The following COPG2 variants were observed in gnomAD, a reference collection of about 807,000 sequenced individuals.
COPG2 encodes coatomer subunit gamma-2.
A neutral mutation model predicts 46.3 loss-of-function variants in COPG2; 37 were observed. The observed-to-expected ratio is 0.80, with a 90% CI of 0.61 to 1.05. The LOEUF is 1.05. Among genes scored for constraint, COPG2 ranks in the 50% least tolerant of loss-of-function variants. The pLI is 0.00. For missense variants in COPG2, 427 were observed against 387.8 expected, an observed-to-expected ratio of 1.10 and a Z score of -0.85; for synonymous variants, 159 against 129.7, an observed-to-expected ratio of 1.23 and a Z score of -1.53.
intron 20 of COPG2, among the ~76,000 whole-genome samples, chr7:130,522,532 C>G: frequency 6.6e-6 from 1 of 151,964 alleles, no homozygotes; most frequent in South Asian, 2.1e-4. Flanking sequence ...ACTGAAGGGT[C>G]AAAGTTTCAA....
At chr7:130,624,986 T>C (rs1217896631) in intron 5 of COPG2, among the ~76,000 whole-genome samples, 1 of 152,240 alleles carries the variant, frequency 6.6e-6, no homozygotes, top group African/African-American at 2.4e-5. Context: ...AAAGAATCTC[T>C]ATACTGTTTT....
intron 5 of COPG2, among the ~76,000 whole-genome samples, chr7:130,644,898 C>G (rs781856810): frequency 5.5e-4 from 84 of 151,958 alleles, no homozygotes; most frequent in Non-Finnish European, 1.0e-3. Flanking sequence ...CCCTTCTCTA[C>G]TAAAAATACA....
intron 9 of COPG2, among the ~76,000 whole-genome samples, chr7:130,587,352 A>G (rs1794297259): frequency 6.6e-6 from 1 of 151,960 alleles, no homozygotes; most frequent in Admixed American, 6.6e-5. Flanking sequence ...TCAAGAAACT[A>G]ACAGAAGGCT....
At chr7:130,657,141 G>C (rs1284972066) in intron 4 of COPG2, among the ~76,000 whole-genome samples, 1 of 151,984 alleles carries the variant, frequency 6.6e-6, no homozygotes, top group Non-Finnish European at 1.5e-5. Context: ...AGACAGCATA[G>C]AGCTAAAGTA....
chr7:130,573,978 A>G (rs970772260), intron 9 of COPG2, among the ~76,000 whole-genome samples: 60 of 152,324 alleles, frequency 3.9e-4, no homozygotes, highest in African/African-American at 1.3e-3. Context: ...TGACCCAGTT[A>G]TTCTATTTAT....
chr7:130,507,749 T>C lies in COPG2; in HGVS notation c.2322A>G (p.Glu774=), dbSNP rs372816660. 104 of 780,634 alleles carry C rather than the reference T, an allele frequency of 1.3e-4. 1 individual carries two copies. The African/African-American group carries it at 1.6e-3, about 12-fold the overall frequency. The allele number at this position is 780,634 out of a possible 1,614,324, so 48.4% of individuals were successfully genotyped here. ...VLKPNFAAAW[E]EVGDTFEKEE... ...CTTTCTCAAAGGTATCTCCCACCTC[T>C]TCCCAAGCAGCAGCAAAGTTAGGCT... The change falls in exon 22 of 24, where the codon GAA becomes GAG. Residue 774 remains glutamate (E), a synonymous_variant. Coordinates refer to ENST00000425248, the MANE Select transcript of COPG2 (RefSeq NM_012133.6).
intron 20 of COPG2, among the ~76,000 whole-genome samples, chr7:130,541,687 G>A (rs1799939397): frequency 6.6e-6 from 1 of 151,514 alleles, no homozygotes; most frequent in Non-Finnish European, 1.5e-5. Context: ...GGGGAGTCAG[G>A]GTTGTGGGGC....
intron 5 of COPG2, among the ~76,000 whole-genome samples, chr7:130,636,499 G>C (rs1325352740): frequency 7.1e-6 from 1 of 140,710 alleles, no homozygotes. Flanking sequence ...ATCTTTGTTG[G>C]TTTAAAGTCT....
At chr7:130,664,728 T>G (rs1219541307) in intron 3 of COPG2, among the ~76,000 whole-genome samples, 1 of 152,226 alleles carries the variant, frequency 6.6e-6, no homozygotes, top group Admixed American at 6.5e-5. Context: ...TCAATCAACT[T>G]TGACTATTCA....
intron 20 of COPG2, among the ~76,000 whole-genome samples, chr7:130,523,119 C>CAAAATAAAA (rs1799738875): frequency 1.7e-5 from 1 of 57,522 alleles, no homozygotes; most frequent in Non-Finnish European, 2.9e-5. Context: ...ACTCTTCTCT[C>CAAAATAAAA]AAAAAAAAAA....
chr7:130,634,433 T>C (rs1032608806), intron 5 of COPG2, among the ~76,000 whole-genome samples: 13 of 152,206 alleles, frequency 8.5e-5, no homozygotes, highest in Non-Finnish European at 1.6e-4. Context: ...AAGAGGTCCT[T>C]CCCATCCCTT....
intron 9 of COPG2, among the ~76,000 whole-genome samples, chr7:130,599,166 G>A (rs1259438730): frequency 6.6e-6 from 1 of 152,136 alleles, no homozygotes; most frequent in Non-Finnish European, 1.5e-5. Context: ...TAAGAATAAG[G>A]GATGGAAGTC....
intron 5 of COPG2, among the ~76,000 whole-genome samples, chr7:130,634,451 G>T (rs548084765): frequency 6.6e-6 from 1 of 152,162 alleles, no homozygotes; most frequent in Non-Finnish European, 1.5e-5. Context: ...CTTATAAGTT[G>T]AATTCCTAGG....
Position 130,587,546 on chromosome 7 carries a change from G to T in COPG2, c.738-23153C>A, listed in dbSNP as rs564660707. On this transcript the variant is annotated intron_variant, in intron 9 of 23. Coordinates refer to ENST00000425248, the MANE Select transcript of COPG2 (RefSeq NM_012133.6). ...TTCCTCTTTTAAAACTTAGAACATG[G>T]ATTCCCTATTTAATAAACGGTGCTG... Among the ~76,000 whole-genome samples, 7 of 151,954 alleles carry T rather than the reference G, an allele frequency of 4.6e-5. No individual in the cohort carries two copies. The East Asian group carries it at 9.6e-4, about 21-fold the overall frequency.
chr7:130,551,336 A>G lies in COPG2; in HGVS notation c.1553T>C (p.Met518Thr). 2.5e-6 allele frequency: 1 copy of G among 398,532 alleles called. No individual in the cohort carries two copies. The highest frequency in any genetic ancestry group is 3.6e-5 in the East Asian group (1 of 28,070). The allele number at this position is 398,532 out of a possible 1,614,324, so 24.7% of individuals were successfully genotyped here. The change falls in exon 16 of 24, where the codon ATG (methionine) becomes ACG (threonine). Residue 518 changes from methionine (M) to threonine (T), a missense_variant. By Grantham distance (81) the Met-to-Thr change is moderately conservative. Coordinates refer to ENST00000425248, the MANE Select transcript of COPG2 (RefSeq NM_012133.6). Reference protein sequence around the residue: ...SILVLLQRCMMDTDDEVRDRA... With the variant: ...SILVLLQRCMTDTDDEVRDRA... ...GTCTCGTACCTCGTCATCAGTATCC[A>G]TCATACACCTGTCCAGGGGAAACAG...
intron 9 of COPG2, among the ~76,000 whole-genome samples, chr7:130,591,007 C>T (rs587738708): frequency 1.3e-5 from 2 of 151,402 alleles, no homozygotes; most frequent in Non-Finnish European, 3.0e-5. Flanking sequence ...AAGTGAGGAG[C>T]GTCTCTGCCC....
At chr7:130,629,607 G>C (rs891886503) in intron 5 of COPG2, among the ~76,000 whole-genome samples, 1 of 151,962 alleles carries the variant, frequency 6.6e-6, no homozygotes. Flanking sequence ...AGTTGGCCAG[G>C]CTGGTCTCAA....
At chr7:130,648,130 C>T (rs1252358326) in intron 5 of COPG2, among the ~76,000 whole-genome samples, 2 of 151,990 alleles carry the variant, frequency 1.3e-5, no homozygotes, top group Non-Finnish European at 2.9e-5. Flanking sequence ...GAAGTATGTG[C>T]CTTCAGATTT....
intron 22 of COPG2, 151 bp downstream of exon 22, chr7:130,507,534 C>CAATT (rs1309662110): frequency 1.4e-5 from 9 of 659,216 alleles, no homozygotes; most frequent in Non-Finnish European, 2.2e-5. Flanking sequence ...AATGGCTGAT[C>CAATT]AATTAGATGA....
Sources: gnomAD v4.1 joint callset for allele counts (sites outside exome capture counted in the v4.1 genomes callset) on GRCh38, gnomAD v4.1.1 for gene constraint, MANE v1.5 for transcripts, NCBI Gene and HGNC (gene_info 2026-07-23, HGNC 2026-07-21) for gene names.